The following GTF2F2 variants were observed in gnomAD, a reference collection of about 807,000 sequenced individuals.
GTF2F2 encodes the protein ATP-dependent helicase GTF2F2.
A neutral mutation model predicts 42.2 loss-of-function variants in GTF2F2; 23 were observed. The observed-to-expected ratio is 0.55, with a 90% confidence interval of 0.39 to 0.77. The LOEUF is 0.77. Among genes scored for constraint, GTF2F2 ranks in the 30% least tolerant of loss-of-function variants. The pLI is 0.00. For missense variants in GTF2F2, 261 were observed against 287.2 expected (o/e 0.91, Z 0.66); for synonymous variants, 105 against 100.8 (o/e 1.04, Z -0.25).
At chr13:45,212,668 C>T (rs1351675336) in intron 5 of GTF2F2, among the ~76,000 whole-genome samples, 2 of 151,784 alleles carry the variant, frequency 1.3e-5, no homozygotes, top group Non-Finnish European at 2.9e-5. Context: ...CAGGTTCAAA[C>T]GATTCTCCTG....
intron 6 of GTF2F2, among the ~76,000 whole-genome samples, chr13:45,265,384 A>G (rs978032752): frequency 7.2e-5 from 11 of 151,950 alleles, no homozygotes; most frequent in African/African-American, 2.2e-4. Flanking sequence ...CCATTACTGC[A>G]TTTAAAATGC....
At position 45,207,471 on chromosome 13, in the gene GTF2F2, C is replaced by T; in HGVS notation, c.352C>T (p.Pro118Ser). ...AGTGGTACAAAGAGCTGAATGCCGACCAGCTGCCAGTGAAAACTACATGCG... is the reference window on the plus strand; with the variant it reads ...AGTGGTACAAAGAGCTGAATGCCGATCAGCTGCCAGTGAAAACTACATGCG... ...GIVVQRAECR[P>S]AASENYMRLK... The change falls in exon 5 of 8, where the codon CCA becomes TCA. Residue 118 changes from proline (P) to serine (S), a missense_variant. Physicochemically the swap from Pro to Ser is moderately conservative, Grantham distance 74 (BLOSUM62 -1). Coordinates refer to ENST00000340473, the MANE Select transcript of GTF2F2 (RefSeq NM_004128.3). 6.2e-7 allele frequency: 1 copy of T among 1,610,922 alleles called. No individual in the cohort carries two copies. The highest frequency in any genetic ancestry group is 8.5e-7 in the Non-Finnish European group (1 of 1,177,266).
intron 2 of GTF2F2, among the ~76,000 whole-genome samples, chr13:45,142,899 A>G (rs969806195): frequency 6.6e-6 from 1 of 152,182 alleles, no homozygotes; most frequent in Non-Finnish European, 1.5e-5. Flanking sequence ...TGAGTCATCA[A>G]ATTTATGAGC....
At chr13:45,153,483 G>A (rs1335692809) in intron 4 of GTF2F2, among the ~76,000 whole-genome samples, 1 of 152,148 alleles carries the variant, frequency 6.6e-6, no homozygotes, top group African/African-American at 2.4e-5. Flanking sequence ...CTGATGCTCT[G>A]ATAATTAGTA....
intron 4 of GTF2F2, among the ~76,000 whole-genome samples, chr13:45,191,224 A>AATATATATATATATATATATATATATAT (rs1165963910): frequency 4.0e-5 from 3 of 75,304 alleles, no homozygotes; most frequent in African/African-American, 2.0e-4. Context: ...ACAAAAAAAA[A>AATATATATATATATATATATATATATAT]ATATATATAT....
intron 5 of GTF2F2, among the ~76,000 whole-genome samples, chr13:45,241,205 A>G (rs904039023): frequency 6.9e-6 from 1 of 144,468 alleles, no homozygotes; most frequent in Non-Finnish European, 1.5e-5. Context: ...ATATATATAT[A>G]TCTGCATTCT....
chr13:45,149,575 T>C (rs1366024090), intron 2 of GTF2F2, among the ~76,000 whole-genome samples, 195 bp from the exon 3 acceptor site: 1 of 152,202 alleles, frequency 6.6e-6, no homozygotes, highest in African/African-American at 2.4e-5. Context: ...AATAATGATG[T>C]GTGATTAATG....
At chr13:45,228,798 G>A (rs1026583913) in intron 5 of GTF2F2, among the ~76,000 whole-genome samples, 3 of 150,676 alleles carry the variant, frequency 2.0e-5, no homozygotes, top group Admixed American at 6.6e-5. Context: ...ATCCTCCCAA[G>A]TAGCTGGGAT....
At position 45,242,304 on chromosome 13, in the gene GTF2F2, T is replaced by C. The variant is rs550086495; in HGVS notation, c.387-10567T>C. Among the ~76,000 whole-genome samples the C allele has an allele frequency of 5.1e-4, 76 of 149,618 alleles. No individual in the cohort carries two copies. In the Middle Eastern group the frequency reaches 0.017, roughly 33 times the overall value. On this transcript the variant is annotated intron_variant, in intron 5 of 7. Transcript: ENST00000340473. ...TTAACTTGACTTTGGGCCAAGTATG[T>C]GTGCTCTCACTCACGGGCAGTCTCA...
intron 7 of GTF2F2, among the ~76,000 whole-genome samples, chr13:45,272,586 A>G (rs548074170): frequency 9.9e-5 from 15 of 151,556 alleles, no homozygotes; most frequent in Non-Finnish European, 2.1e-4. Context: ...CTACAAAAAA[A>G]TACAAAAATT....
At chr13:45,198,864 GCTT>G (rs1295298242) in intron 4 of GTF2F2, among the ~76,000 whole-genome samples, 1 of 151,894 alleles carries the variant, frequency 6.6e-6, no homozygotes, top group Non-Finnish European at 1.5e-5. Flanking sequence ...TTTTGTGTTG[GCTT>G]CTTTTGTGTG....
At chr13:45,140,832 G>A (rs532385396) in intron 2 of GTF2F2, among the ~76,000 whole-genome samples, 46 of 152,202 alleles carry the variant, frequency 3.0e-4, no homozygotes, top group Non-Finnish European at 5.6e-4. Context: ...AAGAAAGGCA[G>A]GCTAAAGGAG....
chr13:45,137,399 T>C (rs1465241757), intron 2 of GTF2F2, among the ~76,000 whole-genome samples: 11 of 152,244 alleles, frequency 7.2e-5, no homozygotes, highest in Admixed American at 6.5e-4. Context: ...CATGATTCCA[T>C]TGAAACAGCT....
Position 45,265,152 on chromosome 13 carries a change from G to A in GTF2F2, c.487-2081G>A, listed in dbSNP as rs370677728. On this transcript the variant is annotated intron_variant, in intron 6 of 7. Coordinates refer to ENST00000340473, the MANE Select transcript of GTF2F2 (RefSeq NM_004128.3). ...TGCGCACCTGTAATCCCAGCTACTC[G>A]GGAGGCTGAGGCAGGAAAATCACTT... Among the ~76,000 whole-genome samples, 27 of 151,924 alleles carry A rather than the reference G, an allele frequency of 1.8e-4. 1 individual carries two copies. The highest frequency in any genetic ancestry group is 2.4e-4 in the African/African-American group (10 of 41,346).
intron 4 of GTF2F2, among the ~76,000 whole-genome samples, chr13:45,168,788 C>CTTCT (rs1036869247): frequency 9.4e-6 from 1 of 105,994 alleles, no homozygotes; most frequent in Non-Finnish European, 1.8e-5. Context: ...GGCTTCCTTC[C>CTTCT]TTCCTTCCTT....
chr13:45,162,123 G>C (rs1172021824), intron 4 of GTF2F2, among the ~76,000 whole-genome samples: 1 of 152,142 alleles, frequency 6.6e-6, no homozygotes, highest in African/African-American at 2.4e-5. Context: ...TGTGTGACTA[G>C]CCCCTATTTC....
At chr13:45,176,820 G>C (rs887744980) in intron 4 of GTF2F2, among the ~76,000 whole-genome samples, 4 of 151,244 alleles carry the variant, frequency 2.6e-5, no homozygotes. Context: ...GGACGGTCTC[G>C]CTCCACCCAG....
intron 7 of GTF2F2, among the ~76,000 whole-genome samples, chr13:45,273,655 A>ATTT (rs773254844): frequency 1.6e-5 from 2 of 123,862 alleles, no homozygotes; most frequent in African/African-American, 3.5e-5. Context: ...GAGTGGTAAA[A>ATTT]TTTTTTTTTT....
chr13:45,233,420 A>G (rs1185392286), intron 5 of GTF2F2, among the ~76,000 whole-genome samples: 1 of 152,178 alleles, frequency 6.6e-6, no homozygotes, highest in Non-Finnish European at 1.5e-5. Context: ...TCATTCCGAT[A>G]TGTATGTTTC....
Sources: allele counts gnomAD v4.1 joint callset (sites outside exome capture counted in the v4.1 genomes callset), GRCh38; gene constraint gnomAD v4.1.1; transcripts MANE v1.5; gene names NCBI Gene and HGNC (gene_info 2026-07-23, HGNC 2026-07-21).